The following CAPN8 variants were observed in gnomAD, a reference collection of about 807,000 sequenced individuals.
CAPN8 encodes the protein calpain-8.
In CAPN8, 87 loss-of-function variants were observed where a neutral mutation model predicts 80.9. That is an observed-to-expected ratio of 1.07 (90% CI 0.90 to 1.28). The LOEUF is 1.28. Ranked by LOEUF, CAPN8 falls within the 50% of genes most tolerant of loss-of-function variation. The pLI is 0.00. For missense variants in CAPN8, 757 were observed against 702.0 expected (o/e 1.08, Z -0.89); for synonymous variants, 299 against 273.8 (o/e 1.09, Z -0.91).
At chr1:223,654,865 T>C (rs6673777) in intron 1 of CAPN8, among the ~76,000 whole-genome samples, 1 of 117,934 alleles carries the variant, frequency 8.5e-6, no homozygotes, top group South Asian at 2.8e-4. Context: ...TTTTTTTTTG[T>C]ATTTTTAGTA....
intron 2 of CAPN8, among the ~76,000 whole-genome samples, chr1:223,637,436 C>G (rs893130119): frequency 6.6e-6 from 1 of 152,160 alleles, no homozygotes; most frequent in African/African-American, 2.4e-5. Flanking sequence ...CACCTGCTCC[C>G]CTGATTCCCA....
intron 7 of CAPN8, among the ~76,000 whole-genome samples, chr1:223,622,239 C>T (rs1301128858): frequency 2.0e-5 from 3 of 150,526 alleles, no homozygotes; most frequent in Non-Finnish European, 4.4e-5. Context: ...GCCCAGCTGT[C>T]CTGGGACATC....
rs903896446 is a variant in CAPN8 at position 223,635,006 on chromosome 1, A to T, written c.308-6226T>A. On this transcript the variant is annotated intron_variant, in intron 2 of 20. Transcript: ENST00000366872. ...TTCCCTCCCACTCATGGTCCATGGAAACTGGGGCTCCTCAGCAAGCTGAGA... is the reference window on the plus strand; with the variant it reads ...TTCCCTCCCACTCATGGTCCATGGATACTGGGGCTCCTCAGCAAGCTGAGA... Among the ~76,000 whole-genome samples, 14 of 152,350 alleles carry T rather than the reference A, an allele frequency of 9.2e-5. No homozygotes were observed. The Middle Eastern group carries it at 0.01, about 111-fold the overall frequency.
At chr1:223,643,800 C>T (rs566776873) in intron 2 of CAPN8, among the ~76,000 whole-genome samples, 1 of 152,256 alleles carries the variant, frequency 6.6e-6, no homozygotes, top group East Asian at 1.9e-4. Flanking sequence ...CCCCAGGGTC[C>T]GCACCATAAT....
At chr1:223,620,674 C>T (rs1657361531) in intron 7 of CAPN8, among the ~76,000 whole-genome samples, 1 of 152,186 alleles carries the variant, frequency 6.6e-6, no homozygotes, top group African/African-American at 2.4e-5. Flanking sequence ...TCACTTATCA[C>T]TCTGGCTTAT....
In CAPN8 at chr1:223,549,304, C is replaced by T. The variant is rs1324080426; in HGVS notation, c.1764+14G>A. 1 of 1,544,286 alleles carries T rather than the reference C, an allele frequency of 6.5e-7. No homozygotes were observed. The highest frequency in any genetic ancestry group is 1.2e-5 in the South Asian group (1 of 81,810). On this transcript the variant is annotated intron_variant, in intron 16 of 20. Transcript: ENST00000366872. ...AAGTAAAAAAAAAAAAATAATGCAA[C>T]ATTTAAAGGATACATCCAACAGACT...
chr1:223,618,578 C>A (rs1015908912), intron 9 of CAPN8, among the ~76,000 whole-genome samples: 1 of 152,216 alleles, frequency 6.6e-6, no homozygotes, highest in African/African-American at 2.4e-5. Context: ...GCCACTCTGT[C>A]CCAGAGGTCA....
At chr1:223,619,557 G>A (rs933774687) in intron 8 of CAPN8, 104 bp from the exon 9 acceptor site, 2 of 1,243,376 alleles carry the variant, frequency 1.6e-6, no homozygotes, top group African/African-American at 3.0e-5. Flanking sequence ...GGCCCTAGAG[G>A]CCGTGGGCTA....
At chr1:223,640,313 A>G (rs1218995384) in intron 2 of CAPN8, among the ~76,000 whole-genome samples, 1 of 152,226 alleles carries the variant, frequency 6.6e-6, no homozygotes, top group East Asian at 1.9e-4. Flanking sequence ...GTTATCCCCC[A>G]ACATACAATT....
chr1:223,644,502 C>T (rs1658133793), intron 2 of CAPN8: 1 of 156,976 alleles, frequency 6.4e-6, no homozygotes, highest in South Asian at 1.9e-4. Context: ...GTATTCCAGA[C>T]CCTAAGGATA....
chr1:223,628,218 G>A (rs1438001623), intron 3 of CAPN8, 76 bp from the exon 4 acceptor site: 10 of 1,444,106 alleles, frequency 6.9e-6, no homozygotes, highest in Middle Eastern at 2.1e-4. Flanking sequence ...GGGACCTCAC[G>A]TGGGGACTCT....
intron 2 of CAPN8, among the ~76,000 whole-genome samples, chr1:223,651,008 C>G (rs1410217897): frequency 6.6e-6 from 1 of 152,098 alleles, no homozygotes; most frequent in Non-Finnish European, 1.5e-5. Context: ...CCTTGAGAGT[C>G]CACTGGAAAA....
intron 2 of CAPN8, among the ~76,000 whole-genome samples, chr1:223,629,826 G>A (rs541289184): frequency 6.6e-4 from 101 of 152,272 alleles, no homozygotes; most frequent in Non-Finnish European, 9.3e-4. Flanking sequence ...AAGATTTGGT[G>A]AACAAGTCCC....
intron 2 of CAPN8, among the ~76,000 whole-genome samples, chr1:223,640,143 A>C (rs1658008387): frequency 6.6e-6 from 1 of 152,018 alleles, no homozygotes; most frequent in South Asian, 2.1e-4. Flanking sequence ...TCACCCTCTG[A>C]CCTACCTCAT....
At chr1:223,543,493 T>A (rs1199609705) in intron 19 of CAPN8, among the ~76,000 whole-genome samples, 1 of 152,214 alleles carries the variant, frequency 6.6e-6, no homozygotes, top group Non-Finnish European at 1.5e-5. Context: ...ATTGTGGTTG[T>A]CTTGCTTGTG....
chr1:223,665,432 C>T lies in CAPN8; in HGVS notation c.215G>A (p.Gly72Asp). 6.4e-7 allele frequency: 1 copy of T among 1,551,906 alleles called. No homozygotes were observed. The highest frequency in any genetic ancestry group is 8.7e-7 in the Non-Finnish European group (1 of 1,146,886). The stretch of plus-strand genomic sequence containing the variant: ...TACCGTGGGCCGCTTCCAGATGATG[C>T]CTTGAGTTTGCGGAGAGCCTGGTCC... ...DLGPGSPQTQ[G>D]IIWKRPTELC... The change falls in exon 1 of 21, where the codon GGC becomes GAC. Residue 72 changes from glycine to aspartate, a missense_variant. Physicochemically the swap from Gly to Asp is moderately conservative, Grantham distance 94. Transcript: ENST00000366872.
intron 7 of CAPN8, among the ~76,000 whole-genome samples, chr1:223,621,374 G>C (rs769035964): frequency 4.6e-5 from 7 of 151,880 alleles, no homozygotes; most frequent in Non-Finnish European, 1.0e-4. Flanking sequence ...ATCTCCAGCT[G>C]GTAGGGCCTC....
Position 223,612,263 on chromosome 1 carries a change from G to A in CAPN8, c.1312-6C>T. 8.1e-7 allele frequency: 1 copy of A among 1,234,200 alleles called. No individual in the cohort carries two copies. The highest frequency in any genetic ancestry group is 1.0e-6 in the Non-Finnish European group (1 of 988,096). The allele number at this position is 1,234,200 out of a possible 1,614,324, so 76.5% of individuals were successfully genotyped here. On this transcript the variant is annotated splice_polypyrimidine_tract_variant and splice_region_variant and intron_variant, in intron 10 of 20. Coordinates refer to ENST00000366872, the MANE Select transcript of CAPN8 (RefSeq NM_001143962.2). ...TCACATACCTCCTTGGGAACCTGTG[G>A]GGCAGAAGAAAAGAGCAGGTCACCT...
chr1:223,620,293 C>T (rs988987214), intron 7 of CAPN8, 27 bp from the exon 8 acceptor site: 2 of 1,546,172 alleles, frequency 1.3e-6, no homozygotes, highest in Non-Finnish European at 1.8e-6. Context: ...CAGAGATGCT[C>T]GCTCCTGAGA....
Sources: allele counts gnomAD v4.1 joint callset (sites outside exome capture counted in the v4.1 genomes callset), GRCh38; gene constraint gnomAD v4.1.1; transcripts MANE v1.5; gene names NCBI Gene and HGNC (gene_info 2026-07-23, HGNC 2026-07-21).